BTN3A2: variants seen among roughly 807,000 people sequenced by gnomAD.
The protein encoded by BTN3A2 is butyrophilin subfamily 3 member A2, also known as butyrophilin protein.
Under a neutral mutation model 37.6 loss-of-function variants are expected in BTN3A2, and 25 were observed. The ratio of observed to expected loss-of-function variants is 0.66; its 90% CI spans 0.48 to 0.93. The LOEUF (loss-of-function observed/expected upper bound fraction) is 0.93. Among genes scored for constraint, BTN3A2 ranks in the 40% least tolerant of loss-of-function variants. The pLI, the probability that BTN3A2 is intolerant of heterozygous loss-of-function variation, is 0.00. For missense variants in BTN3A2, 266 were observed against 410.9 expected (o/e 0.65, Z 3.05); for synonymous variants, 122 against 159.4 (o/e 0.77, Z 1.77).
At chr6:26,369,923 A>G (rs1374942143) in intron 4 of BTN3A2, among the ~76,000 whole-genome samples, 1 of 152,182 alleles carries the variant, frequency 6.6e-6, no homozygotes, top group Non-Finnish European at 1.5e-5. Context: ...TCTCTAGCAG[A>G]CAATCATAGG....
chr6:26,376,935 G>A lies in BTN3A2; in HGVS notation c.*1173G>A, dbSNP rs954325393. Reference sequence around the variant, plus strand: ...GAAACTTCCTGAGCCTCCTAGGAAAGTGGGGGTCATCCTGGACTATGAGAC... The same window carrying A: ...GAAACTTCCTGAGCCTCCTAGGAAAATGGGGGTCATCCTGGACTATGAGAC... On this transcript the variant is annotated 3_prime_UTR_variant, in exon 11 of 11. Transcript: ENST00000377708. The A allele has an allele frequency of 1.7e-5, 28 of 1,611,860 alleles. No homozygotes were observed. Among genetic ancestry groups the A allele is most frequent in the Non-Finnish European group, 2.0e-5 (24 of 1,178,260 alleles).
Position 26,368,707 on chromosome 6 carries a change from G to A in BTN3A2, c.228G>A (p.Val76=), listed in dbSNP as rs1309197207. 3.7e-6 allele frequency: 6 copies of A among 1,613,914 alleles called. No homozygotes were observed. The highest frequency in any genetic ancestry group is 4.2e-6 in the Non-Finnish European group (5 of 1,179,876). The change falls in exon 4 of 11, where the codon GTG becomes GTA. Residue 76 remains valine, a synonymous_variant. Transcript: ENST00000377708. ...TAAGTTCCAGCCTAAGGCAGGTGGT[G>A]AACGTGTATGCAGATGGAAAGGAAG... ...KWVSSSLRQV[V]NVYADGKEVE... is the part of the protein sequence containing the mutation.
chr6:26,374,593 C>T, intron 9 of BTN3A2, 178 bp from the exon 10 acceptor site: 1 of 878,480 alleles, frequency 1.1e-6, no homozygotes, highest in Non-Finnish European at 1.7e-6. Context: ...CACAGGGAGC[C>T]AAGCCTGACA....
Position 26,376,660 on chromosome 6 carries a change from A to C in BTN3A2, c.*898A>C, listed in dbSNP as rs936512876. 3.3e-6 allele frequency: 5 copies of C among 1,508,522 alleles called. No homozygotes were observed. The African/African-American group carries it at 6.9e-5, about 21-fold the overall frequency. The allele number at this position is 1,508,522 out of a possible 1,614,324, so 93.4% of individuals were successfully genotyped here. A position where few individuals can be genotyped will look rare whatever the true frequency, so the allele number is the denominator to read the frequency against. Reference sequence around the variant, plus strand: ...AGTGTACAGCGTGCTGAGGAGCCCCATGACCTACCAGACAACCCTGAGAGA... The same window carrying C: ...AGTGTACAGCGTGCTGAGGAGCCCCCTGACCTACCAGACAACCCTGAGAGA... On this transcript the variant is annotated 3_prime_UTR_variant, in exon 11 of 11. Coordinates refer to ENST00000377708, the MANE Select transcript of BTN3A2 (RefSeq NM_007047.5).
intron 9 of BTN3A2, 118 bp downstream of exon 9, chr6:26,374,491 G>T: frequency 8.6e-7 from 1 of 1,160,688 alleles, no homozygotes; most frequent in Non-Finnish European, 1.3e-6. Flanking sequence ...GTGTGGTGGG[G>T]GTTCACCTCC....
At chr6:26,371,959 G>A (rs1394403942) in intron 5 of BTN3A2, among the ~76,000 whole-genome samples, 4 of 152,188 alleles carry the variant, frequency 2.6e-5, no homozygotes, top group South Asian at 4.1e-4. Context: ...GATTACAGGC[G>A]TGAGCCACTG....
At chr6:26,369,358 A>G (rs181097184) in intron 4 of BTN3A2, among the ~76,000 whole-genome samples, 1 of 152,262 alleles carries the variant, frequency 6.6e-6, no homozygotes, top group East Asian at 1.9e-4. Flanking sequence ...CCTGTAGTAG[A>G]ACTAGCTGTA....
chr6:26,374,579 A>G (rs1042497300), intron 9 of BTN3A2, 192 bp from the exon 10 acceptor site: 3 of 841,742 alleles, frequency 3.6e-6, no homozygotes, highest in African/African-American at 1.7e-5. Context: ...TGCACCCCCC[A>G]TGACACAGGG....
chr6:26,366,438 A>G (rs1348209545), intron 1 of BTN3A2, among the ~76,000 whole-genome samples: 1 of 152,236 alleles, frequency 6.6e-6, no homozygotes, highest in African/African-American at 2.4e-5. Flanking sequence ...TTAGCAAAGT[A>G]TATAACTACA....
At chr6:26,374,269 G>A (rs1760471526) in intron 8 of BTN3A2, 58 bp from the exon 9 acceptor site, 4 of 1,140,914 alleles carry the variant, frequency 3.5e-6, no homozygotes, top group South Asian at 2.8e-5. Context: ...AGAAGGGGAA[G>A]GGGCCAACAC....
chr6:26,376,417 C>A lies in BTN3A2; in HGVS notation c.*655C>A. 1 of 576,446 alleles carries A rather than the reference C, an allele frequency of 1.7e-6. No homozygotes were observed. The highest frequency in any genetic ancestry group is 2.6e-6 in the Non-Finnish European group (1 of 382,020). The allele number at this position is 576,446 out of a possible 1,614,324, so 35.7% of individuals were successfully genotyped here. A position where few individuals can be genotyped will look rare whatever the true frequency, so the allele number is the denominator to read the frequency against. On this transcript the variant is annotated 3_prime_UTR_variant, in exon 11 of 11. Transcript: ENST00000377708. ...CTGGTCACTAGACCCCTGGGGCTTT[C>A]ACCAATGACATTGATGAGAGAATCA...
At chr6:26,374,157 AG>A in intron 8 of BTN3A2, 169 bp from the exon 9 acceptor site, 1 of 541,136 alleles carries the variant, frequency 1.8e-6, no homozygotes, top group Non-Finnish European at 3.2e-6. Flanking sequence ...AGGTGAAGAA[AG>A]AATTGTACCT....
Position 26,373,081 on chromosome 6 carries a change from G to A in BTN3A2, c.900G>A (p.Arg300=). ...AAATGGGATATGCTGCAACAGAGCGGGAAATAAGCCTAAGAGGTATCCAAC... is the reference window on the plus strand; with the variant it reads ...AAATGGGATATGCTGCAACAGAGCGAGAAATAAGCCTAAGAGGTATCCAAC... ...MKEMGYAATE[R]EISLRESLQE... Residue 300 remains arginine, a synonymous_variant, in exon 6 of 11, where the codon CGG becomes CGA. Transcript: ENST00000377708. The A allele has an allele frequency of 1.2e-6, 2 of 1,613,950 alleles. No homozygotes were observed. The highest frequency in any genetic ancestry group is 1.7e-6 in the Non-Finnish European group (2 of 1,180,032).
Position 26,373,396 on chromosome 6 carries a change from A to T in BTN3A2, c.947A>T (p.Lys316Ile). The T allele has an allele frequency of 1.2e-6, 2 of 1,602,174 alleles. No individual in the cohort carries two copies. Among genetic ancestry groups the T allele is most frequent in the Admixed American group, 1.8e-5 (1 of 56,896 alleles). ...GTTCATTCCATTGCAGAGAGGAAAA[A>T]AATCCAGTACTTGACTCGTGAGTGG... ...ESLQEELKRK[K>I]IQYLTRGEES... Residue 316 changes from lysine to isoleucine, a missense_variant, in exon 8 of 11, where the codon AAA (lysine) becomes ATA (isoleucine). Physicochemically the swap from Lys to Ile is moderately radical, Grantham distance 102. This residue lies in a region of BTN3A2 where 204 missense variants were observed against 232.6 expected (regional missense o/e 0.88). Transcript: ENST00000377708.
intron 1 of BTN3A2, among the ~76,000 whole-genome samples, chr6:26,367,481 C>T (rs971984981): frequency 2.0e-5 from 3 of 152,288 alleles, no homozygotes; most frequent in African/African-American, 7.2e-5. Context: ...AAGCTTGTGA[C>T]TTGTAGAGCC....
chr6:26,376,925 T>C lies in BTN3A2; in HGVS notation c.*1163T>C. The C allele has an allele frequency of 6.2e-6, 10 of 1,612,880 alleles. No individual in the cohort carries two copies. Among genetic ancestry groups the C allele is most frequent in the Non-Finnish European group, 8.5e-6 (10 of 1,179,082 alleles). On this transcript the variant is annotated 3_prime_UTR_variant, in exon 11 of 11. Transcript: ENST00000377708. ...GAACCAACCTGAAACTTCCTGAGCC[T>C]CCTAGGAAAGTGGGGGTCATCCTGG...
At chr6:26,369,278 G>C (rs969309204) in intron 4 of BTN3A2, among the ~76,000 whole-genome samples, 3 of 152,194 alleles carry the variant, frequency 2.0e-5, no homozygotes, top group Non-Finnish European at 2.9e-5. Context: ...CACTACCATG[G>C]GTCCTGGGAG....
rs780484548 is a variant in BTN3A2 at position 26,368,216 on chromosome 6, C to T, written c.34C>T (p.Leu12Phe). Residue 12 changes from leucine (L) to phenylalanine (F), a missense_variant, in exon 3 of 11, where the codon CTC becomes TTC. By Grantham distance (22) the Leu-to-Phe change is conservative (BLOSUM62 0). Transcript: ENST00000377708. The part of the protein sequence containing the change: ...KMASSLAFLL[L>F]NFHVSLLLVQ... ...GGCAAGTTCCCTGGCTTTCCTTCTG[C>T]TCAACTTTCATGTCTCCCTCCTCTT... 45 of 1,614,124 alleles carry T rather than the reference C, an allele frequency of 2.8e-5. No homozygotes were observed. Among genetic ancestry groups the T allele is most frequent in the South Asian group, 9.9e-5 (9 of 91,094 alleles).
rs375636866 is a variant in BTN3A2 at position 26,370,600 on chromosome 6, G to T, written c.712G>T (p.Ala238Ser). The T allele has an allele frequency of 1.9e-5, 30 of 1,614,002 alleles. No individual in the cohort carries two copies. The highest frequency in any genetic ancestry group is 4.0e-5 in the African/African-American group (3 of 74,924). ...GGAAAAGACAGCCAGCATTTCCATC[G>T]CAGGTCAGTACCTGCTTGGCCTCAG... ...GLEKTASISI[A>S]DPFFRSAQPW... Residue 238 changes from alanine to serine, a missense_variant, in exon 5 of 11, where the codon GCA becomes TCA. Physicochemically the swap from Ala to Ser is moderately conservative, Grantham distance 99 (BLOSUM62 1). Transcript: ENST00000377708.
Sources: allele counts gnomAD v4.1 joint callset (sites outside exome capture counted in the v4.1 genomes callset), GRCh38; gene constraint gnomAD v4.1.1; regional missense constraint gnomAD v4.1.1; transcripts MANE v1.5; gene names NCBI Gene and HGNC (gene_info 2026-07-23, HGNC 2026-07-21).